The following FAM228B variants were observed in gnomAD, a reference collection of about 807,000 sequenced individuals.
FAM228B encodes the protein family with sequence similarity 228 member B, also known as protein FAM228B.
Under a neutral mutation model 42.6 loss-of-function variants are expected in FAM228B, and 38 were observed. The ratio of observed to expected loss-of-function variants is 0.89; its 90% confidence interval spans 0.69 to 1.17. The LOEUF is 1.17. Ranked by LOEUF, FAM228B falls within the 50% of genes most tolerant of loss-of-function variation. The pLI is 0.00. For synonymous variants in FAM228B, 109 were observed against 122.3 expected, an observed-to-expected ratio of 0.89 and a Z score of 0.72; for missense variants, 344 against 367.3, an observed-to-expected ratio of 0.94 and a Z score of 0.52.
At chr2:24,129,655 G>A (rs1450947006) in intron 2 of FAM228B, among the ~76,000 whole-genome samples, 1 of 151,698 alleles carries the variant, frequency 6.6e-6, no homozygotes, top group Non-Finnish European at 1.5e-5. Flanking sequence ...TTTAAGAACT[G>A]TATTTTCCAC....
intron 3 of FAM228B, among the ~76,000 whole-genome samples, chr2:24,116,314 C>T (rs1301783522): frequency 1.3e-5 from 2 of 151,946 alleles, no homozygotes; most frequent in Admixed American, 6.6e-5. Context: ...AGCGACAGAG[C>T]GAAATTCTGT....
chr2:24,122,605 G>A (rs1666156487), upstream of FAM228B: 2 of 1,002,334 alleles, frequency 2.0e-6, no homozygotes, highest in Non-Finnish European at 3.2e-6. Context: ...AAAGGCATGT[G>A]AATACAAATG....
rs146211787 is a variant in FAM228B, at chr2:24,081,111, C to T, written c.-210+156C>T. The T allele has an allele frequency of 6.5e-5, 70 of 1,082,908 alleles. 1 individual carries two copies. The highest frequency in any genetic ancestry group is 6.3e-4 in the South Asian group (32 of 50,506). 67.1% of individuals were successfully genotyped at this position (1,082,908 alleles called of 1,614,324 possible). A position where few individuals can be genotyped will look rare whatever the true frequency, so the allele number is the denominator to read the frequency against. Reference sequence around the variant, plus strand: ...CACAGGCATATTCTATCAAGATCACCTGGCCGTTGCACCAAATGCCAAATC... The same window carrying T: ...CACAGGCATATTCTATCAAGATCACTTGGCCGTTGCACCAAATGCCAAATC... On this transcript the variant is annotated intron_variant, in intron 2 of 10. Coordinates refer to the FAM228B transcript ENST00000613899.
At chr2:24,155,532 T>TATATA (rs1491091074) in intron 7 of FAM228B, among the ~76,000 whole-genome samples, 7 of 11,530 alleles carry the variant, frequency 6.1e-4, no homozygotes, top group African/African-American at 1.2e-3. Flanking sequence ...TATATATATA[T>TATATA]TTTTTTTTTT....
At chr2:24,115,375 G>A (rs549111614) in intron 3 of FAM228B, 15 of 562,908 alleles carry the variant, frequency 2.7e-5, no homozygotes, top group South Asian at 2.1e-5. Context: ...ATTCCATGCC[G>A]ATGACCAACA....
chr2:24,131,131 T>C (rs763473649), intron 2 of FAM228B, among the ~76,000 whole-genome samples: 6 of 152,224 alleles, frequency 3.9e-5, no homozygotes, highest in Non-Finnish European at 8.8e-5. Context: ...GAAGATCAGA[T>C]GGTTGTAAAT....
chr2:24,141,196 T>C (rs1245535832), intron 5 of FAM228B, among the ~76,000 whole-genome samples: 1 of 151,868 alleles, frequency 6.6e-6, no homozygotes, highest in Admixed American at 6.6e-5. Flanking sequence ...TGCCTCAGCC[T>C]CCCGAGTAAC....
At chr2:24,085,461 C>T (rs1033418836) in intron 2 of FAM228B, among the ~76,000 whole-genome samples, 1 of 152,030 alleles carries the variant, frequency 6.6e-6, no homozygotes, top group Non-Finnish European at 1.5e-5. Context: ...TCCCTGGCCT[C>T]CCCCCACTAC....
intron 2 of FAM228B, among the ~76,000 whole-genome samples, chr2:24,088,996 G>GT (rs1225996480): frequency 3.3e-5 from 5 of 152,166 alleles, no homozygotes; most frequent in Non-Finnish European, 5.9e-5. Flanking sequence ...TAGAAACAGT[G>GT]TGGTTTCCCA....
intron 3 of FAM228B, among the ~76,000 whole-genome samples, chr2:24,101,265 T>TA (rs1256050236): frequency 6.6e-6 from 1 of 152,134 alleles, no homozygotes; most frequent in Non-Finnish European, 1.5e-5. Flanking sequence ...AGTATAATAA[T>TA]AAAAAAAGTT....
intron 3 of FAM228B, among the ~76,000 whole-genome samples, chr2:24,110,528 A>G (rs571659401): frequency 6.6e-6 from 1 of 152,346 alleles, no homozygotes; most frequent in South Asian, 2.1e-4. Flanking sequence ...AGAAGCCCAT[A>G]TAAAAACCCT....
intron 7 of FAM228B, among the ~76,000 whole-genome samples, chr2:24,160,494 T>G (rs1466542995): frequency 6.6e-6 from 1 of 152,218 alleles, no homozygotes; most frequent in Non-Finnish European, 1.5e-5. Flanking sequence ...TCTTTTAATA[T>G]GTCCTTTATA....
intron 2 of FAM228B, chr2:24,081,122 AC>A: frequency 2.0e-6 from 2 of 1,022,554 alleles, no homozygotes. Flanking sequence ...TGGCCGTTGC[AC>A]CAAATGCCAA....
intron 5 of FAM228B, among the ~76,000 whole-genome samples, chr2:24,141,388 C>T (rs1666742748): frequency 6.6e-6 from 1 of 152,218 alleles, no homozygotes; most frequent in African/African-American, 2.4e-5. Flanking sequence ...GGACTACATG[C>T]ACCCACCACC....
chr2:24,139,625 A>G (rs1200143619), intron 5 of FAM228B, among the ~76,000 whole-genome samples, 175 bp downstream of exon 5: 1 of 152,230 alleles, frequency 6.6e-6, no homozygotes, highest in Non-Finnish European at 1.5e-5. Flanking sequence ...AGTAAATTAA[A>G]TCTCCATAAA....
intron 7 of FAM228B, among the ~76,000 whole-genome samples, chr2:24,153,840 C>G (rs547924014): frequency 1.3e-5 from 2 of 152,208 alleles, no homozygotes; most frequent in Non-Finnish European, 1.5e-5. Flanking sequence ...TACTTCAGCC[C>G]ACAATGGTGA....
chr2:24,087,082 A>G (rs1040829012), intron 2 of FAM228B, among the ~76,000 whole-genome samples: 1 of 152,238 alleles, frequency 6.6e-6, no homozygotes, highest in African/African-American at 2.4e-5. Context: ...AAAGTATCCC[A>G]GTAAAACTAG....
chr2:24,168,466 G>A (rs1258802352), intron 10 of FAM228B, among the ~76,000 whole-genome samples: 1 of 152,188 alleles, frequency 6.6e-6, no homozygotes, highest in East Asian at 1.9e-4. Context: ...CTGCTGAGAG[G>A]GAGGTAAAAT....
At chr2:24,123,798 A>G (rs988287618) in intron 1 of FAM228B, among the ~76,000 whole-genome samples, 2 of 151,760 alleles carry the variant, frequency 1.3e-5, no homozygotes, top group African/African-American at 4.8e-5. Flanking sequence ...AGTGGGTGGG[A>G]GGAAGGGCCG....
Sources: gnomAD v4.1 joint callset for allele counts (sites outside exome capture counted in the v4.1 genomes callset) on GRCh38, gnomAD v4.1.1 for gene constraint, MANE v1.5 for transcripts, NCBI Gene and HGNC (gene_info 2026-07-23, HGNC 2026-07-21) for gene names.